HECW1: variants seen among roughly 807,000 people sequenced by gnomAD.
HECW1 encodes the protein HECT, C2 and WW domain containing E3 ubiquitin protein ligase 1, also known as E3 ubiquitin-protein ligase HECW1.
Under a neutral mutation model 182.3 loss-of-function variants are expected in HECW1, and 61 were observed. The observed-to-expected ratio is 0.33, with a 90% CI of 0.27 to 0.41. The LOEUF (loss-of-function observed/expected upper bound fraction) is 0.41, where lower values mean the gene tolerates loss of function less well. HECW1 is among the 10% of genes least tolerant of loss of function. The pLI is 1.00. For synonymous variants in HECW1, 859 were observed against 832.6 expected, an observed-to-expected ratio of 1.03 and a Z score of -0.55; for missense variants, 1,739 against 2,108.9, an observed-to-expected ratio of 0.82 and a Z score of 3.44.
intron 24 of HECW1, among the ~76,000 whole-genome samples, chr7:43,520,511 C>T (rs1399081751): frequency 1.3e-5 from 2 of 152,150 alleles, no homozygotes; most frequent in Non-Finnish European, 2.9e-5. Context: ...TACATGGGCG[C>T]AAATTTCCTA....
At chr7:43,390,305 A>G (rs938740708) in intron 6 of HECW1, among the ~76,000 whole-genome samples, 2 of 152,078 alleles carry the variant, frequency 1.3e-5, no homozygotes, top group African/African-American at 4.8e-5. Flanking sequence ...ATGGGAGACC[A>G]AAGCAAGAGG....
chr7:43,476,022 T>G (rs1270310160), intron 16 of HECW1, among the ~76,000 whole-genome samples: 2 of 152,200 alleles, frequency 1.3e-5, no homozygotes, highest in Non-Finnish European at 2.9e-5. Flanking sequence ...CCACTTCTTA[T>G]TTAACGTTGT....
intron 29 of HECW1, among the ~76,000 whole-genome samples, chr7:43,555,951 T>C (rs73693028): frequency 0.025 from 3,829 of 152,334 alleles, 148 homozygotes; most frequent in African/African-American, 0.084. Flanking sequence ...AACATCTTGC[T>C]TTTATTTTAG....
At chr7:43,338,420 A>G (rs1812559084) in intron 5 of HECW1, among the ~76,000 whole-genome samples, 1 of 151,894 alleles carries the variant, frequency 6.6e-6, no homozygotes. Context: ...TCCTCTATAT[A>G]TGTTTGTTTT....
Position 43,114,165 on chromosome 7 carries a change from G to A in HECW1, c.-258G>A. 9.3e-7 allele frequency: 1 copy of A among 1,071,032 alleles called. No individual in the cohort carries two copies. The highest frequency in any genetic ancestry group is 1.6e-5 in the South Asian group (1 of 63,760). 66.3% of individuals were successfully genotyped at this position (1,071,032 alleles called of 1,614,324 possible). ...CCCTTCTCTTTGAAAAGATATCAAT[G>A]CTATGTTCAGCAGAAACGGATACAG... On this transcript the variant is annotated 5_prime_UTR_variant, in exon 2 of 30. An upstream start codon of the reference 5' UTR is lost. Transcript: ENST00000395891.
Position 43,563,333 on chromosome 7 carries a change from T to C in HECW1, c.*1407T>C. The C allele has an allele frequency of 4.8e-6, 1 of 209,712 alleles. No individual in the cohort carries two copies. Among genetic ancestry groups the C allele is most frequent in the Non-Finnish European group, 9.7e-6 (1 of 103,236 alleles). The allele number at this position is 209,712 out of a possible 1,614,324, so 13.0% of individuals were successfully genotyped here. A position where few individuals can be genotyped will look rare whatever the true frequency, so the allele number is the denominator to read the frequency against. ...ACTACATTTGAAATAAACCCAACCA[T>C]AATGGTCATTTGCTATTTTTCTAAC... On this transcript the variant is annotated 3_prime_UTR_variant, in exon 30 of 30. Transcript: ENST00000395891.
chr7:43,200,598 T>G (rs1583938555), intron 2 of HECW1, among the ~76,000 whole-genome samples: 1 of 152,204 alleles, frequency 6.6e-6, no homozygotes, highest in African/African-American at 2.4e-5. Context: ...AATACACAGG[T>G]GAGACACAGA....
At chr7:43,429,213 G>A (rs556113024) in intron 8 of HECW1, among the ~76,000 whole-genome samples, 2 of 146,982 alleles carry the variant, frequency 1.4e-5, no homozygotes, top group Admixed American at 1.4e-4. Context: ...GATGGTGAAG[G>A]CTTGATCAAA....
At chr7:43,448,722 G>T (rs771231158) in intron 11 of HECW1, among the ~76,000 whole-genome samples, 2 of 152,110 alleles carry the variant, frequency 1.3e-5, no homozygotes, top group Non-Finnish European at 2.9e-5. Flanking sequence ...ACATTATTAG[G>T]TATAAATCAC....
chr7:43,409,192 C>G (rs868767945), intron 8 of HECW1, among the ~76,000 whole-genome samples: 2 of 152,112 alleles, frequency 1.3e-5, no homozygotes, highest in Middle Eastern at 3.2e-3. Flanking sequence ...TTGAAGTGGA[C>G]GTGAGGGAAA....
At chr7:43,466,630 T>G in intron 15 of HECW1, 62 bp downstream of exon 15, 2 of 1,557,148 alleles carry the variant, frequency 1.3e-6, no homozygotes, top group Non-Finnish European at 1.7e-6. Flanking sequence ...CACAGCTTTG[T>G]AAAGTCATCT....
At chr7:43,223,978 T>C (rs2152704610) in intron 2 of HECW1, among the ~76,000 whole-genome samples, 2 of 152,258 alleles carry the variant, frequency 1.3e-5, no homozygotes, top group East Asian at 3.9e-4. Flanking sequence ...CAGCCTCCCA[T>C]CCCCTCTTCC....
intron 2 of HECW1, among the ~76,000 whole-genome samples, chr7:43,218,390 A>G (rs1393269598): frequency 3.3e-5 from 5 of 152,234 alleles, no homozygotes; most frequent in Non-Finnish European, 7.3e-5. Flanking sequence ...GACAAGACGT[A>G]TCATGGATCT....
At chr7:43,436,163 CAAAAA>C (rs750081980) in intron 8 of HECW1, among the ~76,000 whole-genome samples, 15 of 67,034 alleles carry the variant, frequency 2.2e-4, no homozygotes, top group African/African-American at 8.2e-4. Flanking sequence ...GACTTTGTCT[CAAAAA>C]AAAAAAAAAA....
chr7:43,146,838 A>T lies in HECW1; in HGVS notation c.-32+32447A>T, dbSNP rs529974306. Among the ~76,000 whole-genome samples the T allele has an allele frequency of 3.3e-5, 5 of 152,346 alleles. No individual in the cohort carries two copies. The East Asian group carries it at 9.6e-4, about 29-fold the overall frequency. ...TCTGTGCACAGACAGCTCATGGCCC[A>T]TTAGTGTATGGTGCTTATCCCAGAA... On this transcript the variant is annotated intron_variant, in intron 2 of 29. Coordinates refer to ENST00000395891, the MANE Select transcript of HECW1 (RefSeq NM_015052.5).
intron 28 of HECW1, 47 bp downstream of exon 28, chr7:43,552,383 C>G (rs781494466): frequency 8.7e-7 from 1 of 1,143,770 alleles, no homozygotes; most frequent in South Asian, 1.2e-5. Context: ...AAATAGAACT[C>G]AGCACTTTCC....
intron 3 of HECW1, among the ~76,000 whole-genome samples, chr7:43,286,577 G>A (rs1804666183): frequency 6.6e-6 from 1 of 152,132 alleles, no homozygotes; most frequent in African/African-American, 2.4e-5. Context: ...AAAAATGGCA[G>A]CTATTATTTT....
intron 3 of HECW1, among the ~76,000 whole-genome samples, chr7:43,292,866 T>C (rs764313368): frequency 1.3e-5 from 2 of 152,112 alleles, no homozygotes; most frequent in Non-Finnish European, 2.9e-5. Context: ...CTTGGCATTT[T>C]GAACAAAGAA....
intron 7 of HECW1, among the ~76,000 whole-genome samples, chr7:43,398,339 G>T (rs1025607255): frequency 2.0e-5 from 3 of 152,106 alleles, no homozygotes; most frequent in South Asian, 4.1e-4. Context: ...ACAAAGCTCA[G>T]GGCTTCACAC....
Sources: allele counts gnomAD v4.1 joint callset (sites outside exome capture counted in the v4.1 genomes callset), GRCh38; gene constraint gnomAD v4.1.1; transcripts MANE v1.5; gene names NCBI Gene and HGNC (gene_info 2026-07-23, HGNC 2026-07-21).